Variants in SCAI observed in about 807,000 individuals in gnomAD.
The protein encoded by SCAI is suppressor of cancer cell invasion.
In SCAI, 24 loss-of-function variants were observed where a neutral mutation model predicts 92.2. The ratio of observed to expected loss-of-function variants is 0.26; its 90% CI spans 0.19 to 0.37. The LOEUF (loss-of-function observed/expected upper bound fraction) is 0.37. Ranked by LOEUF, SCAI falls within the 10% of genes least tolerant of loss-of-function variation. The pLI, the probability that SCAI is intolerant of heterozygous loss-of-function variation, is 1.00. For synonymous variants in SCAI, 261 were observed against 258.6 expected, an observed-to-expected ratio of 1.01 and a Z score of -0.09; for missense variants, 450 against 736.2, an observed-to-expected ratio of 0.61 and a Z score of 4.50.
intron 14 of SCAI, among the ~76,000 whole-genome samples, chr9:124,983,437 C>T (rs1204239644): frequency 6.6e-6 from 1 of 152,190 alleles, no homozygotes; most frequent in Non-Finnish European, 1.5e-5. Context: ...CTGCAACCAC[C>T]ACCTCCCGGG....
intron 2 of SCAI, among the ~76,000 whole-genome samples, chr9:125,061,501 T>C (rs911377653): frequency 3.3e-5 from 5 of 152,222 alleles, no homozygotes; most frequent in African/African-American, 1.2e-4. Context: ...GGCTCACGCC[T>C]GTAATCCCAA....
intron 2 of SCAI, among the ~76,000 whole-genome samples, chr9:125,100,583 C>T (rs1370018515): frequency 6.6e-6 from 1 of 152,150 alleles, no homozygotes; most frequent in Non-Finnish European, 1.5e-5. Flanking sequence ...TTGCAGGTAA[C>T]ACAGTAATGA....
At chr9:124,985,076 T>G (rs527568888) in intron 14 of SCAI, among the ~76,000 whole-genome samples, 2 of 152,294 alleles carry the variant, frequency 1.3e-5, no homozygotes, top group African/African-American at 4.8e-5. Flanking sequence ...AATAGAAAAC[T>G]CGCCCTGCAT....
At chr9:124,953,764 A>T (rs185725871) in intron 17 of SCAI, among the ~76,000 whole-genome samples, 1 of 152,224 alleles carries the variant, frequency 6.6e-6, no homozygotes, top group East Asian at 1.9e-4. Flanking sequence ...CCTGCCATAC[A>T]TTTAAAATTT....
chr9:124,979,520 AC>A (rs1481075995), intron 14 of SCAI, among the ~76,000 whole-genome samples: 1 of 152,072 alleles, frequency 6.6e-6, no homozygotes, highest in African/African-American at 2.4e-5. Flanking sequence ...AGCCTGGGCA[AC>A]AGATGAAGAC....
chr9:125,130,617 G>A (rs1240392220), intron 2 of SCAI, among the ~76,000 whole-genome samples: 1 of 151,604 alleles, frequency 6.6e-6, no homozygotes, highest in Admixed American at 6.6e-5. Context: ...GGGTTGGAGC[G>A]ATTCCCCTGA....
At chr9:125,113,717 C>T (rs1252915775) in intron 2 of SCAI, among the ~76,000 whole-genome samples, 1 of 146,738 alleles carries the variant, frequency 6.8e-6, no homozygotes, top group African/African-American at 2.6e-5. Flanking sequence ...AATCCCAGCA[C>T]TTTGGGAGGC....
At chr9:125,136,404 T>C (rs1227053700) in intron 2 of SCAI, among the ~76,000 whole-genome samples, 1 of 151,898 alleles carries the variant, frequency 6.6e-6, no homozygotes, top group African/African-American at 2.4e-5. Context: ...TTTATATCAT[T>C]TGATATTCAG....
chr9:125,122,542 T>TCA (rs1396140142), intron 2 of SCAI, among the ~76,000 whole-genome samples: 243 of 144,296 alleles, frequency 1.7e-3, no homozygotes, highest in Admixed American at 4.1e-3. Context: ...TGAACCAAGA[T>TCA]TGCGCTACTG....
intron 2 of SCAI, among the ~76,000 whole-genome samples, chr9:125,090,697 T>G (rs561598362): frequency 1.3e-5 from 2 of 152,292 alleles, no homozygotes; most frequent in South Asian, 4.1e-4. Flanking sequence ...AGCAGCGACC[T>G]CCTGGACTCA....
intron 2 of SCAI, among the ~76,000 whole-genome samples, chr9:125,094,788 C>T (rs1036631404): frequency 4.6e-5 from 7 of 152,106 alleles, no homozygotes; most frequent in African/African-American, 9.7e-5. Flanking sequence ...AGGTGTAAGC[C>T]GCCACGCCCA....
Position 124,943,416 on chromosome 9 carries a change from CTAAA to C in SCAI, c.*9387_*9390del, listed in dbSNP as rs1831091063. 1 of 152,154 alleles carries C rather than the reference CTAAA, an allele frequency of 6.6e-6. No individual in the cohort carries two copies. The highest frequency in any genetic ancestry group is 1.5e-5 in the Non-Finnish European group (1 of 68,020). 9.4% of individuals were successfully genotyped at this position (152,154 alleles called of 1,614,324 possible). A position where few individuals can be genotyped will look rare whatever the true frequency, so the allele number is the denominator to read the frequency against. ...AAAGATTACAGTGATTTGTGAATAGCTAAATAGGCAACCAAATAGCTTCATTATT... is the reference window on the plus strand; with the variant it reads ...AAAGATTACAGTGATTTGTGAATAGCTAGGCAACCAAATAGCTTCATTATT... On this transcript the variant is annotated 3_prime_UTR_variant, in exon 18 of 18. Coordinates refer to ENST00000336505, the MANE Select transcript of SCAI (RefSeq NM_001144877.3).
intron 17 of SCAI, chr9:124,968,647 T>C (rs1831589517): frequency 9.7e-7 from 1 of 1,026,910 alleles, no homozygotes; most frequent in Non-Finnish European, 1.6e-6. Context: ...CTTTCATAGG[T>C]GGTCTCATCT....
intron 2 of SCAI, among the ~76,000 whole-genome samples, chr9:125,111,416 A>G (rs1477131700): frequency 1.3e-5 from 2 of 152,194 alleles, no homozygotes; most frequent in African/African-American, 4.8e-5. Flanking sequence ...CTGGAAAAAA[A>G]GGAAGAAAGC....
chr9:125,141,562 G>C (rs1242771304), intron 2 of SCAI, among the ~76,000 whole-genome samples: 2 of 152,274 alleles, frequency 1.3e-5, no homozygotes, highest in African/African-American at 4.8e-5. Context: ...TTTGTTTGTG[G>C]ACTACTTAAA....
In SCAI at chr9:124,949,063, A is replaced by T. The variant is rs1283057157; in HGVS notation, c.*3744T>A. 3 of 152,296 alleles carry T rather than the reference A, an allele frequency of 2.0e-5. No individual in the cohort carries two copies. The highest frequency in any genetic ancestry group is 4.4e-5 in the Non-Finnish European group (3 of 68,082). 9.4% of individuals were successfully genotyped at this position (152,296 alleles called of 1,614,324 possible). ...GGGTAAGGTACAAGGAGGATTTATT[A>T]AACTGTATGTTTAGGCTGGGCGTGG... On this transcript the variant is annotated 3_prime_UTR_variant, in exon 18 of 18. Transcript: ENST00000336505. This position sits in a 1 kb window ranked among gnomAD's most constrained non-coding sequence, Gnocchi z 4.0.
chr9:125,014,817 C>G (rs1328386740), intron 9 of SCAI, among the ~76,000 whole-genome samples: 1 of 152,182 alleles, frequency 6.6e-6, no homozygotes, highest in Non-Finnish European at 1.5e-5. Context: ...CAGCATGGTA[C>G]TGGTACCAAA....
intron 2 of SCAI, among the ~76,000 whole-genome samples, chr9:125,099,952 G>A (rs371000943): frequency 9.2e-5 from 14 of 152,266 alleles, no homozygotes; most frequent in African/African-American, 2.4e-4. Flanking sequence ...ATGGACATCC[G>A]GGTTGTGTGC....
rs572897312 is a variant in SCAI at position 125,091,402 on chromosome 9, T to C, written c.99-35395A>G. On this transcript the variant is annotated intron_variant, in intron 2 of 17. Transcript: ENST00000336505. This position sits in a 1 kb window ranked among gnomAD's most constrained non-coding sequence, Gnocchi z 4.3. ...CAACCAAGAACCTTTCCTGGAACAA[T>C]GCCGTTTCTTTTTTGCTTTTTTAAT... Among the ~76,000 whole-genome samples, 1 of 151,788 alleles carries C rather than the reference T, an allele frequency of 6.6e-6. No homozygotes were observed. Among genetic ancestry groups the C allele is most frequent in the African/African-American group, 2.4e-5 (1 of 41,044 alleles).
Sources: gnomAD v4.1 joint callset for allele counts (sites outside exome capture counted in the v4.1 genomes callset) on GRCh38, gnomAD v4.1.1 for gene constraint, Gnocchi (gnomAD v3.1) non-coding constraint, MANE v1.5 for transcripts, NCBI Gene and HGNC (gene_info 2026-07-23, HGNC 2026-07-21) for gene names.